Variants in SMYD3 observed in about 807,000 individuals in gnomAD.
SMYD3 encodes SET and MYND domain containing 3, also known as histone-lysine N-methyltransferase SMYD3.
Under a neutral mutation model 57.7 loss-of-function variants are expected in SMYD3, and 36 were observed. That is an observed-to-expected ratio of 0.62 (90% confidence interval 0.48 to 0.82). The LOEUF (loss-of-function observed/expected upper bound fraction) is 0.82. Among genes scored for constraint, SMYD3 ranks in the 40% least tolerant of loss-of-function variants. SMYD3 has a pLI of 0.00. For synonymous variants in SMYD3, 211 were observed against 195.0 expected (o/e 1.08, Z -0.68); for missense variants, 515 against 538.8 (o/e 0.96, Z 0.44).
chr1:246,200,204 G>T (rs1186674923), intron 5 of SMYD3, among the ~76,000 whole-genome samples: 1 of 151,214 alleles, frequency 6.6e-6, no homozygotes, highest in Admixed American at 6.6e-5. Context: ...AGACAGAGGA[G>T]AACAGTGTAG....
chr1:246,003,660 G>C (rs2059119186), intron 5 of SMYD3, among the ~76,000 whole-genome samples: 2 of 152,022 alleles, frequency 1.3e-5, no homozygotes, highest in African/African-American at 4.8e-5. Flanking sequence ...AAACTACCTT[G>C]CTTATTATTC....
rs2047829139 is a variant in SMYD3, at chr1:245,800,901, G to A, written c.1077-36752C>T. 2.0e-5 allele frequency among the ~76,000 whole-genome samples: 3 copies of A among 152,156 alleles called. No homozygotes were observed. In the South Asian group the frequency reaches 6.2e-4, roughly 32 times the overall value. The stretch of plus-strand genomic sequence containing the variant: ...CAAAGAAACAGAAACTAATAGCAGG[G>A]CATACTCATGGTTAGTTGGACATAA... On this transcript the variant is annotated intron_variant, in intron 10 of 11. Transcript: ENST00000490107.
chr1:245,804,473 G>A (rs374009762), intron 10 of SMYD3, among the ~76,000 whole-genome samples: 2 of 152,210 alleles, frequency 1.3e-5, no homozygotes, highest in East Asian at 3.9e-4. Context: ...CAGGAGAATG[G>A]CATGGACCTG....
At chr1:246,000,285 GA>G (rs1265295204) in intron 5 of SMYD3, among the ~76,000 whole-genome samples, 1 of 152,064 alleles carries the variant, frequency 6.6e-6, no homozygotes, top group Non-Finnish European at 1.5e-5. Context: ...GCAGGGCACC[GA>G]TAAGTGTCGG....
intron 8 of SMYD3, among the ~76,000 whole-genome samples, chr1:245,900,507 C>A (rs2054113234): frequency 6.6e-6 from 1 of 152,142 alleles, no homozygotes; most frequent in South Asian, 2.1e-4. Flanking sequence ...CTAGGGATGA[C>A]TATGGAGGAA....
At chr1:246,254,523 G>C (rs1193184597) in intron 5 of SMYD3, among the ~76,000 whole-genome samples, 2 of 152,176 alleles carry the variant, frequency 1.3e-5, no homozygotes, top group African/African-American at 2.4e-5. Context: ...GGACCATGCT[G>C]TTTTGGTTAT....
Position 245,962,607 on chromosome 1 carries a change from G to A in SMYD3, c.532-32670C>T, listed in dbSNP as rs571586897. Among the ~76,000 whole-genome samples the A allele has an allele frequency of 2.0e-5, 3 of 152,322 alleles. No homozygotes were observed. In the South Asian group the frequency reaches 6.2e-4, roughly 32 times the overall value. On this transcript the variant is annotated intron_variant, in intron 5 of 11. Coordinates refer to ENST00000490107, the MANE Select transcript of SMYD3 (RefSeq NM_001167740.2). ...CCTATCAACATGTCAGCCAGATGAG[G>A]TGAAGAGATGGAGAAACAAACCTGC...
chr1:245,793,188 A>G (rs1040721226), intron 10 of SMYD3, among the ~76,000 whole-genome samples: 1 of 151,228 alleles, frequency 6.6e-6, no homozygotes, highest in African/African-American at 2.4e-5. Context: ...GGGTGCCTGT[A>G]GTCCCAGCTA....
chr1:246,438,970 C>T (rs2067423127), intron 1 of SMYD3, among the ~76,000 whole-genome samples: 1 of 152,016 alleles, frequency 6.6e-6, no homozygotes, highest in South Asian at 2.1e-4. Context: ...TACTGTGCGG[C>T]CTGGTTCCTG....
chr1:245,880,148 G>A (rs564336955), intron 8 of SMYD3, among the ~76,000 whole-genome samples: 3 of 152,320 alleles, frequency 2.0e-5, no homozygotes, highest in African/African-American at 4.8e-5. Flanking sequence ...CATGCACACC[G>A]CTGCTGTCTC....
intron 10 of SMYD3, among the ~76,000 whole-genome samples, chr1:245,836,451 A>G (rs2050111649): frequency 6.6e-6 from 1 of 152,190 alleles, no homozygotes; most frequent in African/African-American, 2.4e-5. Context: ...CAAGTTCTTG[A>G]GAGAGGAGTC....
chr1:246,164,108 C>T lies in SMYD3; in HGVS notation c.531+163093G>A, dbSNP rs116183752. The stretch of plus-strand genomic sequence containing the variant: ...AACACAAAATGTTTAGCTGGTTTCT[C>T]CCAACTTGAAAAGGGGTTGACCTGG... On this transcript the variant is annotated intron_variant, in intron 5 of 11. Coordinates refer to ENST00000490107, the MANE Select transcript of SMYD3 (RefSeq NM_001167740.2). Among the ~76,000 whole-genome samples, 1,397 of 152,232 alleles carry T rather than the reference C, an allele frequency of 9.2e-3. 10 individuals are homozygous for T. The highest frequency in any genetic ancestry group is 0.014 in the Non-Finnish European group (941 of 68,020).
chr1:246,099,556 G>C (rs1481243977), intron 5 of SMYD3, among the ~76,000 whole-genome samples: 2 of 152,116 alleles, frequency 1.3e-5, no homozygotes, highest in Non-Finnish European at 2.9e-5. Context: ...TGGATTCACT[G>C]ACAACTGGAG....
At chr1:246,463,681 A>AAAAAAAAAAAAAAC (rs2067838582) in intron 1 of SMYD3, among the ~76,000 whole-genome samples, 1 of 149,324 alleles carries the variant, frequency 6.7e-6, no homozygotes, top group African/African-American at 2.5e-5. Context: ...AAAAAAAAAA[A>AAAAAAAAAAAAAAC]AAACATTAGC....
intron 1 of SMYD3, among the ~76,000 whole-genome samples, chr1:246,463,731 G>C (rs1330401636): frequency 6.8e-6 from 1 of 146,270 alleles, no homozygotes; most frequent in Non-Finnish European, 1.5e-5. Context: ...AGCTACTCGG[G>C]AAGCTGAGGC....
At chr1:246,060,034 C>T (rs1319602590) in intron 5 of SMYD3, among the ~76,000 whole-genome samples, 1 of 151,876 alleles carries the variant, frequency 6.6e-6, no homozygotes, top group African/African-American at 2.4e-5. Flanking sequence ...TGTAATAATC[C>T]CAGCATATTA....
rs554963938 is a variant in SMYD3, at chr1:245,901,833, G to C, written c.813+13697C>G. 2.0e-4 allele frequency among the ~76,000 whole-genome samples: 30 copies of C among 152,202 alleles called. 1 individual carries two copies. Among genetic ancestry groups the C allele is most frequent in the Non-Finnish European group, 7.3e-5 (5 of 68,040 alleles). On this transcript the variant is annotated intron_variant, in intron 8 of 11. Coordinates refer to ENST00000490107, the MANE Select transcript of SMYD3 (RefSeq NM_001167740.2). The stretch of plus-strand genomic sequence containing the variant: ...AAAGGCTCCCCATTGTAGGGAAAAG[G>C]TAAGCAAGAAATCTCCAGTTGTCCA...
At chr1:246,480,755 A>G (rs1215538641) in intron 1 of SMYD3, among the ~76,000 whole-genome samples, 1 of 152,074 alleles carries the variant, frequency 6.6e-6, no homozygotes, top group Non-Finnish European at 1.5e-5. Context: ...ATGAAAGTAA[A>G]TCTCAATGCA....
intron 1 of SMYD3, among the ~76,000 whole-genome samples, chr1:246,493,207 A>G (rs540035012): frequency 2.9e-5 from 4 of 138,352 alleles, no homozygotes; most frequent in Non-Finnish European, 6.3e-5. Flanking sequence ...AGTCCTAGCT[A>G]CTGGGGGGGA....
Sources: allele counts gnomAD v4.1 joint callset (sites outside exome capture counted in the v4.1 genomes callset), GRCh38; gene constraint gnomAD v4.1.1; transcripts MANE v1.5; gene names NCBI Gene and HGNC (gene_info 2026-07-23, HGNC 2026-07-21).